Variants in SV2C observed in about 807,000 individuals in gnomAD.
The protein encoded by SV2C is synaptic vesicle glycoprotein 2C, also known as solute carrier family 22 member B3.
In SV2C, 49 loss-of-function variants were observed where a neutral mutation model predicts 79.7. The observed-to-expected ratio is 0.61, with a 90% CI of 0.49 to 0.78. The LOEUF is 0.78. Ranked by LOEUF, SV2C falls within the 30% of genes least tolerant of loss-of-function variation. The pLI, the probability that SV2C is intolerant of heterozygous loss-of-function variation, is 0.00. For missense variants in SV2C, 833 were observed against 912.9 expected (o/e 0.91, Z 1.13); for synonymous variants, 334 against 333.2 (o/e 1.00, Z -0.03).
chr5:75,992,419 GTTA>G, the SV2C span, among the ~76,000 whole-genome samples: 1 of 151,964 alleles, frequency 6.6e-6, no homozygotes, highest in East Asian at 1.9e-4. Flanking sequence ...TCATAGTTTA[GTTA>G]ATATCAGTCC....
At chr5:75,848,721 C>G in the SV2C span, among the ~76,000 whole-genome samples, 2 of 152,008 alleles carry the variant, frequency 1.3e-5, no homozygotes, top group African/African-American at 2.4e-5. Context: ...TGGGAAGGGA[C>G]AGAGGAGGTG....
intron 1 of SV2C, among the ~76,000 whole-genome samples, chr5:76,089,095 T>C (rs761139930): frequency 1.3e-5 from 2 of 152,240 alleles, no homozygotes; most frequent in African/African-American, 4.8e-5. Flanking sequence ...ACATGTGCCA[T>C]GGTGGTTTGC....
In SV2C at chr5:76,242,022, C is replaced by T. The variant is rs183569546; in HGVS notation, c.913+32135C>T. The T allele has an allele frequency of 2.5e-3, 3,526 of 1,387,592 alleles. 11 individuals are homozygous for T. Among genetic ancestry groups the T allele is most frequent in the South Asian group, 3.5e-3 (306 of 86,740 alleles). 86.0% of individuals were successfully genotyped at this position (1,387,592 alleles called of 1,614,324 possible). Reference sequence around the variant, plus strand: ...TACACAGTTATCAAAAATGCACACACTTCACTTGGCATCTCCAGCACCTTC... The same window carrying T: ...TACACAGTTATCAAAAATGCACACATTTCACTTGGCATCTCCAGCACCTTC... On this transcript the variant is annotated intron_variant, in intron 4 of 12. Transcript: ENST00000502798.
rs1464584942 is a variant in SV2C, at chr5:76,295,916, T to C, written c.1476T>C (p.His492=). 1.2e-6 allele frequency: 2 copies of C among 1,610,902 alleles called. No homozygotes were observed. Among genetic ancestry groups the C allele is most frequent in the Admixed American group, 3.4e-5 (2 of 59,158 alleles). ...ACTTTACAATGGAAAATCAGATTCA[T>C]ACTGGAATGGAATACGACAATGGCA... ...TINFTMENQI[H]TGMEYDNGRF... The change falls in exon 9 of 13, where the codon CAT becomes CAC. Residue 492 remains histidine (H), a synonymous_variant. Coordinates refer to ENST00000502798, the MANE Select transcript of SV2C (RefSeq NM_014979.4).
At position 76,326,391 on chromosome 5, in the gene SV2C, T is replaced by G. The variant is rs935379064; in HGVS notation, c.*844T>G. ...GACAGCAGATTCAGGGAAAGAAAGC[T>G]GCTTCTTAAAAACTGTCTGCCTACC... On this transcript the variant is annotated 3_prime_UTR_variant, in exon 13 of 13. Coordinates refer to ENST00000502798, the MANE Select transcript of SV2C (RefSeq NM_014979.4). 6.6e-6 allele frequency: 1 copy of G among 152,218 alleles called. No homozygotes were observed. Among genetic ancestry groups the G allele is most frequent in the African/African-American group, 2.4e-5 (1 of 41,452 alleles). The allele number at this position is 152,218 out of a possible 1,614,324, so 9.4% of individuals were successfully genotyped here.
At chr5:76,186,820 G>A (rs1743935252) in intron 2 of SV2C, among the ~76,000 whole-genome samples, 1 of 151,982 alleles carries the variant, frequency 6.6e-6, no homozygotes, top group African/African-American at 2.4e-5. Context: ...GACCAAAGCG[G>A]GAAGCCCCTT....
the SV2C span, among the ~76,000 whole-genome samples, chr5:75,969,685 G>C: frequency 6.6e-6 from 1 of 152,096 alleles, no homozygotes; most frequent in Non-Finnish European, 1.5e-5. Context: ...AGTCCTGAGT[G>C]ACCTACAAAG....
Position 76,173,977 on chromosome 5 carries a change from A to G in SV2C, c.581-20942A>G, listed in dbSNP as rs1377051500. 1.9e-6 allele frequency: 3 copies of G among 1,555,720 alleles called. No homozygotes were observed. In the African/African-American group the frequency reaches 4.1e-5, roughly 21 times the overall value. ...ACCCTTGTCCATTTTTCATGTATAA[A>G]TCCCTCATTGCTGTAAATTGCTCCG... On this transcript the variant is annotated intron_variant, in intron 2 of 12. Transcript: ENST00000502798.
At chr5:76,272,054 TGTCAAG>T (rs1746885521) in intron 4 of SV2C, among the ~76,000 whole-genome samples, 1 of 152,172 alleles carries the variant, frequency 6.6e-6, no homozygotes, top group South Asian at 2.1e-4. Flanking sequence ...CTGTTTCAAT[TGTCAAG>T]TGTTAAATGA....
chr5:76,173,246 A>G (rs1743386398), intron 2 of SV2C, among the ~76,000 whole-genome samples: 1 of 149,932 alleles, frequency 6.7e-6, no homozygotes, highest in African/African-American at 2.4e-5. Flanking sequence ...ATTATGCTAA[A>G]ATAGTGGTGC....
intron 1 of SV2C, among the ~76,000 whole-genome samples, chr5:76,083,778 G>T (rs996433865): frequency 2.0e-5 from 3 of 152,174 alleles, no homozygotes; most frequent in African/African-American, 7.2e-5. Context: ...GGACTGGGTC[G>T]CACTTTATCT....
the SV2C span, among the ~76,000 whole-genome samples, chr5:75,954,414 A>G: frequency 6.6e-6 from 1 of 152,024 alleles, no homozygotes; most frequent in Non-Finnish European, 1.5e-5. Context: ...TACCTAATTT[A>G]TTGAGAGTTT....
the SV2C span, among the ~76,000 whole-genome samples, chr5:76,006,145 A>G: frequency 6.6e-6 from 1 of 152,162 alleles, no homozygotes; most frequent in Non-Finnish European, 1.5e-5. Context: ...GGACAGTAAC[A>G]CTTCTTGGTT....
chr5:76,335,629 G>A (rs1009265947), downstream of SV2C, among the ~76,000 whole-genome samples: 2 of 151,842 alleles, frequency 1.3e-5, no homozygotes, highest in Admixed American at 6.6e-5. Flanking sequence ...GACTCTTAAC[G>A]AGCATGCTGC....
chr5:76,308,816 G>A (rs1355678184), intron 12 of SV2C, among the ~76,000 whole-genome samples: 1 of 152,046 alleles, frequency 6.6e-6, no homozygotes, highest in East Asian at 1.9e-4. Flanking sequence ...TTATCAAGAA[G>A]AATAAGAAAA....
the SV2C span, among the ~76,000 whole-genome samples, chr5:75,869,492 A>T: frequency 1.3e-5 from 2 of 152,180 alleles, no homozygotes; most frequent in African/African-American, 4.8e-5. Context: ...CTGCAGTAAA[A>T]TAGAACACCA....
At chr5:75,992,046 C>T in the SV2C span, among the ~76,000 whole-genome samples, 16 of 151,868 alleles carry the variant, frequency 1.1e-4, no homozygotes, top group East Asian at 5.8e-4. Context: ...TTCCCTGGGC[C>T]GCCTCCATTC....
the SV2C span, among the ~76,000 whole-genome samples, chr5:75,857,832 A>C: frequency 9.9e-5 from 15 of 152,222 alleles, no homozygotes; most frequent in East Asian, 2.1e-3. Context: ...TATTTGCCTT[A>C]GTTAATTTCT....
chr5:76,347,532 C>T (rs1260343415), intron 12 of SV2C, among the ~76,000 whole-genome samples: 2 of 152,192 alleles, frequency 1.3e-5, no homozygotes, highest in Non-Finnish European at 2.9e-5. Context: ...GCAACCTCCA[C>T]TTCCCAGGTT....
Sources: allele counts gnomAD v4.1 joint callset (sites outside exome capture counted in the v4.1 genomes callset), GRCh38; gene constraint gnomAD v4.1.1; transcripts MANE v1.5; gene names NCBI Gene and HGNC (gene_info 2026-07-23, HGNC 2026-07-21).